Variants in KIDINS220 observed in about 807,000 individuals in gnomAD.
The protein encoded by KIDINS220 is kinase D interacting substrate 220.
In KIDINS220, 63 loss-of-function variants were observed where a neutral mutation model predicts 157.6. The ratio of observed to expected loss-of-function variants is 0.40; its 90% CI spans 0.33 to 0.49. The LOEUF is 0.49. Among genes scored for constraint, KIDINS220 ranks in the 20% least tolerant of loss-of-function variants. The pLI is 0.66. For missense variants in KIDINS220, 1,772 were observed against 2,171.2 expected (o/e 0.82, Z 3.65); for synonymous variants, 732 against 783.6 (o/e 0.93, Z 1.10).
At chr2:8,746,145 G>A (rs886279648) in intron 26 of KIDINS220, among the ~76,000 whole-genome samples, 12 of 147,854 alleles carry the variant, frequency 8.1e-5, no homozygotes, top group East Asian at 2.0e-4. Flanking sequence ...TCTTGTTGCC[G>A]AGGCTGGAGT....
intron 1 of KIDINS220, among the ~76,000 whole-genome samples, chr2:8,833,981 C>T (rs1227590265): frequency 6.6e-6 from 1 of 152,142 alleles, no homozygotes; most frequent in Non-Finnish European, 1.5e-5. Context: ...TGCCATGCTG[C>T]CCAAGGCTTA....
intron 21 of KIDINS220, among the ~76,000 whole-genome samples, chr2:8,774,681 AAAG>A (rs955518919): frequency 3.9e-5 from 6 of 152,350 alleles, no homozygotes; most frequent in Admixed American, 2.0e-4. Context: ...AAGGAACAGC[AAAG>A]AAGTCAGTAA....
intron 6 of KIDINS220, among the ~76,000 whole-genome samples, chr2:8,810,804 T>C (rs1196291225): frequency 6.6e-6 from 1 of 151,864 alleles, no homozygotes; most frequent in Non-Finnish European, 1.5e-5. Flanking sequence ...AAAAATTCCA[T>C]CAACAGACAA....
chr2:8,749,847 T>G (rs761077059), intron 24 of KIDINS220, among the ~76,000 whole-genome samples: 13 of 152,192 alleles, frequency 8.5e-5, no homozygotes, highest in Non-Finnish European at 2.9e-5. Flanking sequence ...CAGTCACTGC[T>G]GACCCTGTGG....
At chr2:8,742,699 G>A (rs559977162) in intron 26 of KIDINS220, among the ~76,000 whole-genome samples, 2 of 152,258 alleles carry the variant, frequency 1.3e-5, no homozygotes, top group Non-Finnish European at 2.9e-5. Flanking sequence ...TCATAAAACC[G>A]ATAATTCCCT....
intron 13 of KIDINS220, 132 bp downstream of exon 13, chr2:8,790,928 A>AG: frequency 1.5e-6 from 1 of 664,264 alleles, no homozygotes; most frequent in Non-Finnish European, 2.4e-6. Flanking sequence ...GACCAACCAG[A>AG]GGGGAGTTCA....
rs1369041266 is a variant in KIDINS220, at chr2:8,790,831, G to GA, written c.1441+228dup. On this transcript the variant is annotated intron_variant, in intron 13 of 29. Coordinates refer to ENST00000256707, the MANE Select transcript of KIDINS220 (RefSeq NM_020738.4). ...AAATTGACAAGTCTGTGAAGGGCCC[G>GA]AAAAAAACTTGCCAGCAAGGGTTTT... is the stretch of plus-strand genomic sequence containing the variant. Among the ~76,000 whole-genome samples the GA allele has an allele frequency of 3.3e-5, 5 of 152,074 alleles. No individual in the cohort carries two copies. In the East Asian group the frequency reaches 9.6e-4, roughly 29 times the overall value.
chr2:8,824,064 T>C (rs900334664), intron 2 of KIDINS220, among the ~76,000 whole-genome samples: 1 of 151,914 alleles, frequency 6.6e-6, no homozygotes, highest in African/African-American at 2.4e-5. Context: ...AAATAATATC[T>C]TAGATAGGAA....
intron 17 of KIDINS220, among the ~76,000 whole-genome samples, chr2:8,780,765 C>A (rs992739835): frequency 2.7e-5 from 4 of 149,380 alleles, no homozygotes; most frequent in African/African-American, 9.9e-5. Context: ...TCAAAAAAAA[C>A]AGTTTAAAAA....
chr2:8,805,879 A>G (rs1675370894), intron 7 of KIDINS220, among the ~76,000 whole-genome samples: 1 of 152,222 alleles, frequency 6.6e-6, no homozygotes, highest in South Asian at 2.1e-4. Context: ...CTAGGAACGG[A>G]GTAGGCTATA....
intron 22 of KIDINS220, chr2:8,757,338 A>G: frequency 9.5e-7 from 1 of 1,050,310 alleles, no homozygotes; most frequent in Non-Finnish European, 1.2e-6. Context: ...ATCAAGATGA[A>G]TTACCCTTTC....
At position 8,811,987 on chromosome 2, in the gene KIDINS220, C is replaced by T. The variant is rs1400285798; in HGVS notation, c.504+408G>A. On this transcript the variant is annotated intron_variant, in intron 6 of 29. Coordinates refer to ENST00000256707, the MANE Select transcript of KIDINS220 (RefSeq NM_020738.4). ...AAAAGGAAGGCAAGGCCCATCTTCA[C>T]CCATCATACCAGAGATGGTCTTCAG... 4.6e-5 allele frequency among the ~76,000 whole-genome samples: 7 copies of T among 152,136 alleles called. No homozygotes were observed. The East Asian group carries it at 1.4e-3, about 29-fold the overall frequency.
chr2:8,741,288 C>A (rs1440324155), intron 26 of KIDINS220, among the ~76,000 whole-genome samples: 1 of 152,194 alleles, frequency 6.6e-6, no homozygotes, highest in Non-Finnish European at 1.5e-5. Context: ...CAAGTACTGG[C>A]AGGGTGTGGT....
intron 2 of KIDINS220, 117 bp downstream of exon 2, chr2:8,826,869 A>G (rs933923008): frequency 6.0e-6 from 3 of 500,912 alleles, no homozygotes; most frequent in Non-Finnish European, 7.2e-6. Flanking sequence ...TATCATAAGT[A>G]CAGTGCAGTA....
chr2:8,806,486 C>T (rs924107756), intron 6 of KIDINS220, 117 bp from the exon 7 acceptor site: 3 of 607,416 alleles, frequency 4.9e-6, no homozygotes, highest in African/African-American at 1.9e-5. Context: ...AAACTGTATA[C>T]ATTTATCGTA....
Position 8,757,594 on chromosome 2 carries a change from T to C in KIDINS220, c.3012-5950A>G, listed in dbSNP as rs1361855704. 49 of 1,569,010 alleles carry C rather than the reference T, an allele frequency of 3.1e-5. No individual in the cohort carries two copies. In the Middle Eastern group the frequency reaches 3.2e-3, roughly 103 times the overall value. On this transcript the variant is annotated intron_variant, in intron 22 of 29. Transcript: ENST00000256707. ...CTCTGGTTGCTGAAGTTTTGAATATTTGCCATTTTCAGTCCTTCGAGGCAG... is the reference window on the plus strand; with the variant it reads ...CTCTGGTTGCTGAAGTTTTGAATATCTGCCATTTTCAGTCCTTCGAGGCAG...
At chr2:8,826,383 C>A (rs531941868) in intron 2 of KIDINS220, among the ~76,000 whole-genome samples, 211 of 152,106 alleles carry the variant, frequency 1.4e-3, no homozygotes, top group African/African-American at 4.9e-3. Context: ...CCAAGGTGGG[C>A]GGATCAACTG....
intron 8 of KIDINS220, 139 bp from the exon 9 acceptor site, chr2:8,800,637 A>C (rs544949590): frequency 1.6e-6 from 1 of 623,186 alleles, no homozygotes; most frequent in African/African-American, 1.8e-5. Flanking sequence ...TAAGAGAAAA[A>C]TGTTACTTAA....
Position 8,730,607 on chromosome 2 carries a change from G to A in KIDINS220, c.*113C>T, listed in dbSNP as rs924308015. On this transcript the variant is annotated 3_prime_UTR_variant, in exon 30 of 30. Coordinates refer to ENST00000256707, the MANE Select transcript of KIDINS220 (RefSeq NM_020738.4). ...TCTCTTTTACCTCGGCCTCATCATC[G>A]GTTAGTTATCTGTCAGCAAAATGTA... The A allele has an allele frequency of 1.8e-5, 26 of 1,455,722 alleles. No homozygotes were observed. In the African/African-American group the frequency reaches 3.3e-4, roughly 18 times the overall value. 90.2% of individuals were successfully genotyped at this position (1,455,722 alleles called of 1,614,324 possible). A position where few individuals can be genotyped will look rare whatever the true frequency, so the allele number is the denominator to read the frequency against.
Sources: allele counts gnomAD v4.1 joint callset (sites outside exome capture counted in the v4.1 genomes callset), GRCh38; gene constraint gnomAD v4.1.1; transcripts MANE v1.5; gene names NCBI Gene and HGNC (gene_info 2026-07-23, HGNC 2026-07-21).